The following SF3A1 variants were observed in gnomAD, a reference collection of about 807,000 sequenced individuals.
SF3A1 encodes splicing factor 3a subunit 1, also known as SAP 114.
SF3A1 carries 13 observed loss-of-function variants against 89.9 expected under a neutral mutation model. The ratio of observed to expected loss-of-function variants is 0.14; its 90% confidence interval spans 0.09 to 0.23. SF3A1 has a LOEUF of 0.23. Among genes scored for constraint, SF3A1 ranks in the 10% least tolerant of loss-of-function variants. The pLI, the probability that SF3A1 is intolerant of heterozygous loss-of-function variation, is 1.00. For synonymous variants in SF3A1, 405 were observed against 374.4 expected, an observed-to-expected ratio of 1.08 and a Z score of -0.94; for missense variants, 604 against 1,022.1, an observed-to-expected ratio of 0.59 and a Z score of 5.58.
At chr22:30,355,815 T>TCCCCCCCCCCCCCCCCCCCCCCC (rs11451197) in intron 1 of SF3A1, among the ~76,000 whole-genome samples, 1 of 92,280 alleles carries the variant, frequency 1.1e-5, no homozygotes, top group Non-Finnish European at 2.1e-5. Flanking sequence ...TCAGTCATGT[T>TCCCCCCCCCCCCCCCCCCCCCCC]CCCCCCCCCC....
intron 1 of SF3A1, among the ~76,000 whole-genome samples, chr22:30,353,887 C>A (rs1931679214): frequency 6.6e-6 from 1 of 152,202 alleles, no homozygotes; most frequent in Non-Finnish European, 1.5e-5. Flanking sequence ...TCTGAGAAAC[C>A]ATGTTCCAGA....
At position 30,346,542 on chromosome 22, in the gene SF3A1, G is replaced by T. The variant is rs111538926; in HGVS notation, c.186-23C>A. 4.3e-6 allele frequency: 7 copies of T among 1,612,424 alleles called. No individual in the cohort carries two copies. The South Asian group carries it at 5.5e-5, about 13-fold the overall frequency. On this transcript the variant is annotated intron_variant, in intron 2 of 15. Transcript: ENST00000215793. ...TTTCTGGAGGAAGAAAAAACAACAA[G>T]AATAAACACCACTCCCTTGTGCCTG...
In SF3A1 at chr22:30,337,691, T is replaced by A; in HGVS notation, c.1950A>T (p.Thr650=). 1.2e-6 allele frequency: 1 copy of A among 827,164 alleles called. No individual in the cohort carries two copies. The highest frequency in any genetic ancestry group is 1.7e-6 in the Non-Finnish European group (1 of 574,720). 51.2% of individuals were successfully genotyped at this position (827,164 alleles called of 1,614,324 possible). ...GAAAATGATGCAAGAGATACTGACC[T>A]GTTGGCACAATCATGGGGGGTGGGC... ...APRPPPMIVP[T]AFVPAPPVAP... The change falls in exon 12 of 16, where the codon ACA becomes ACT. Residue 650 remains threonine (T), a splice_region_variant and synonymous_variant. Transcript: ENST00000215793.
intron 15 of SF3A1, 33 bp from the exon 16 acceptor site, chr22:30,334,728 C>T: frequency 6.7e-7 from 1 of 1,492,030 alleles, no homozygotes; most frequent in East Asian, 2.3e-5. Context: ...TAGCATGGGG[C>T]AACCCAGCCT....
At chr22:30,339,075 A>T (rs1391555491) in intron 10 of SF3A1, 41 bp from the exon 11 acceptor site, 1 of 1,613,840 alleles carries the variant, frequency 6.2e-7, no homozygotes, top group Admixed American at 1.7e-5. Context: ...TGGAACTAAG[A>T]CCAAGTATGG....
chr22:30,340,190 C>A lies in SF3A1; in HGVS notation c.1375+6G>T, dbSNP rs1931205136. 2.7e-6 allele frequency: 4 copies of A among 1,507,012 alleles called. No homozygotes were observed. Among genetic ancestry groups the A allele is most frequent in the Non-Finnish European group, 3.5e-6 (4 of 1,129,790 alleles). 93.4% of individuals were successfully genotyped at this position (1,507,012 alleles called of 1,614,324 possible). A position where few individuals can be genotyped will look rare whatever the true frequency, so the allele number is the denominator to read the frequency against. ...ACCATGGGCTCTCCTGGAACCCCCA[C>A]CTCACCTGGTGCGTACACCTCATCA... is the stretch of plus-strand genomic sequence containing the variant. On this transcript the variant is annotated splice_donor_region_variant and intron_variant, in intron 9 of 15. Transcript: ENST00000215793.
intron 13 of SF3A1, among the ~76,000 whole-genome samples, chr22:30,336,788 A>AC (rs1187451152): frequency 2.6e-5 from 4 of 152,172 alleles, no homozygotes; most frequent in Non-Finnish European, 4.4e-5. Flanking sequence ...CAGAGGGACC[A>AC]CCACAGTCAC....
rs1460299649 is a variant in SF3A1 at position 30,345,185 on chromosome 22, T to G, written c.399A>C (p.Gln133His). Residue 133 changes from glutamine to histidine, a missense_variant, in exon 4 of 16, where the codon CAA (glutamine) becomes CAC (histidine). Physicochemically the swap from Gln to His is conservative, Grantham distance 24 (BLOSUM62 0). This residue lies in a region of SF3A1 where 162 missense variants were observed against 229.2 expected (regional missense o/e 0.71). Coordinates refer to ENST00000215793, the MANE Select transcript of SF3A1 (RefSeq NM_005877.6). ...TTQQQLPQKV[Q>H]AQVIQETIVP... ...CGATGGTCTCTTGGATTACTTGGGC[T>G]TGGACCTAAGATGCAAAGGGAGTAT... is the stretch of plus-strand genomic sequence containing the variant. The G allele has an allele frequency of 1.2e-6, 2 of 1,613,040 alleles. No individual in the cohort carries two copies. The highest frequency in any genetic ancestry group is 4.5e-5 in the East Asian group (2 of 44,866).
At chr22:30,342,768 A>T (rs761467649) in intron 5 of SF3A1, 37 bp downstream of exon 5, 1 of 1,305,974 alleles carries the variant, frequency 7.7e-7, no homozygotes, top group South Asian at 1.2e-5. Flanking sequence ...AGAACCAACC[A>T]CCAGTAACTG....
chr22:30,342,057 T>C (rs776886573), intron 6 of SF3A1, 143 bp downstream of exon 6: 6 of 1,196,944 alleles, frequency 5.0e-6, no homozygotes, highest in Non-Finnish European at 7.3e-6. Flanking sequence ...GTGGTAGAAC[T>C]GAAGTCTTTT....
intron 6 of SF3A1, 82 bp from the exon 7 acceptor site, chr22:30,341,967 C>T (rs1187932129): frequency 1.4e-6 from 2 of 1,397,046 alleles, no homozygotes; most frequent in East Asian, 2.3e-5. Flanking sequence ...AGGGCTGGGG[C>T]CATGTCTGTT....
intron 2 of SF3A1, among the ~76,000 whole-genome samples, chr22:30,350,493 T>C (rs2145820328): frequency 6.6e-6 from 1 of 151,866 alleles, no homozygotes; most frequent in Non-Finnish European, 1.5e-5. Flanking sequence ...AAAAAAGAAA[T>C]GTTGGAAACC....
intron 1 of SF3A1, among the ~76,000 whole-genome samples, chr22:30,353,763 T>C (rs1040982653): frequency 1.3e-5 from 2 of 152,122 alleles, no homozygotes; most frequent in Non-Finnish European, 2.9e-5. Flanking sequence ...CGCTCCCGGA[T>C]GAATAAAAAA....
chr22:30,349,508 CTGACCTCAGG>C (rs1378515619), intron 2 of SF3A1, among the ~76,000 whole-genome samples: 1 of 152,182 alleles, frequency 6.6e-6, no homozygotes, highest in Non-Finnish European at 1.5e-5. Flanking sequence ...TCTTGAACTC[CTGACCTCAGG>C]TGATCTGCCC....
rs1931160141 is a variant in SF3A1, at chr22:30,338,822, A to G, written c.1710T>C (p.Ala570=). ...PSSATNIPSS[A]PPITSVPRPP... ...GTCGGGGCACTGAAGTGATGGGTGG[A>G]GCCGAGCTGGGGATGTTGGTGGCTG... The change falls in exon 11 of 16, where the codon GCT becomes GCC. Residue 570 remains alanine (A), a synonymous_variant. Coordinates refer to ENST00000215793, the MANE Select transcript of SF3A1 (RefSeq NM_005877.6). The G allele has an allele frequency of 6.2e-7, 1 of 1,613,942 alleles. No individual in the cohort carries two copies. The highest frequency in any genetic ancestry group is 1.3e-5 in the African/African-American group (1 of 74,914).
In SF3A1 at chr22:30,356,734, T is replaced by G. The variant is rs780989808; in HGVS notation, c.59A>C (p.Lys20Thr). ...PPPPPVPTEP[K>T]QPTEEEASSK... ...TGAGGGGCGGGGGAGAGGTACCTGT[T>G]TGGGCTCCGTGGGCACGGGCGGCGG... Residue 20 changes from lysine to threonine, a missense_variant, in exon 1 of 16, where the codon AAA becomes ACA. By Grantham distance (78) the Lys-to-Thr change is moderately conservative. This residue lies in a region of SF3A1 where 55 missense variants were observed against 43.8 expected (regional missense o/e 1.25). Transcript: ENST00000215793. 6.7e-7 allele frequency: 1 copy of G among 1,494,926 alleles called. No homozygotes were observed. The highest frequency in any genetic ancestry group is 2.2e-5 in the Admixed American group (1 of 46,110). The allele number at this position is 1,494,926 out of a possible 1,614,324, so 92.6% of individuals were successfully genotyped here. A position where few individuals can be genotyped will look rare whatever the true frequency, so the allele number is the denominator to read the frequency against.
At chr22:30,353,805 G>T (rs1452410204) in intron 1 of SF3A1, among the ~76,000 whole-genome samples, 1 of 152,150 alleles carries the variant, frequency 6.6e-6, no homozygotes. Flanking sequence ...TGTCTGAGGA[G>T]TTTTGTCTGC....
At chr22:30,347,663 C>G (rs1236437078) in intron 2 of SF3A1, among the ~76,000 whole-genome samples, 1 of 152,192 alleles carries the variant, frequency 6.6e-6, no homozygotes, top group Non-Finnish European at 1.5e-5. Context: ...CTGTGTCAGT[C>G]AGAAAGTACA....
Position 30,337,748 on chromosome 22 carries a change from C to A in SF3A1, c.1893G>T (p.Met631Ile). 1 of 1,577,380 alleles carries A rather than the reference C, an allele frequency of 6.3e-7. No homozygotes were observed. The highest frequency in any genetic ancestry group is 8.6e-7 in the Non-Finnish European group (1 of 1,162,466). ...IHAPRINVVP[M>I]PPSAPPIMAP... ...CCATAATAGGAGGGGCCGAGGGAGGCATGGGCACCACGTTGATTCTGGGCG... is the reference window on the plus strand; with the variant it reads ...CCATAATAGGAGGGGCCGAGGGAGGAATGGGCACCACGTTGATTCTGGGCG... Residue 631 changes from methionine (M) to isoleucine (I), a missense_variant, in exon 12 of 16, where the codon ATG (methionine) becomes ATT (isoleucine). Coordinates refer to ENST00000215793, the MANE Select transcript of SF3A1 (RefSeq NM_005877.6).
Sources: gnomAD v4.1 joint callset for allele counts (sites outside exome capture counted in the v4.1 genomes callset) on GRCh38, gnomAD v4.1.1 for gene constraint, gnomAD v4.1.1 regional missense constraint, MANE v1.5 for transcripts, NCBI Gene and HGNC (gene_info 2026-07-23, HGNC 2026-07-21) for gene names.